Variants in GRIA4 observed in about 807,000 individuals in gnomAD.
GRIA4 encodes glutamate ionotropic receptor AMPA type subunit 4.
A neutral mutation model predicts 104.0 loss-of-function variants in GRIA4; 34 were observed. The observed-to-expected ratio is 0.33, with a 90% confidence interval of 0.25 to 0.44. GRIA4 has a LOEUF of 0.44. Among genes scored for constraint, GRIA4 ranks in the 20% least tolerant of loss-of-function variants. GRIA4 has a pLI of 1.00. For synonymous variants in GRIA4, 386 were observed against 381.9 expected (o/e 1.01, Z -0.13); for missense variants, 750 against 1,096.5 (o/e 0.68, Z 4.46).
intron 10 of GRIA4, among the ~76,000 whole-genome samples, chr11:105,914,624 A>G (rs910963153): frequency 6.6e-6 from 1 of 152,184 alleles, no homozygotes; most frequent in Non-Finnish European, 1.5e-5. Flanking sequence ...CCTGAAAAGC[A>G]GAGCAGATGT....
intron 4 of GRIA4, among the ~76,000 whole-genome samples, chr11:105,859,584 A>T (rs569110286): frequency 2.0e-5 from 3 of 152,298 alleles, no homozygotes; most frequent in Non-Finnish European, 4.4e-5. Context: ...GAGAATAACA[A>T]CATGGATGCC....
In GRIA4 at chr11:105,712,817, C is replaced by A. The variant is rs903414447; in HGVS notation, c.248-40164C>A. 2.0e-5 allele frequency among the ~76,000 whole-genome samples: 3 copies of A among 151,134 alleles called. No homozygotes were observed. The East Asian group carries it at 5.8e-4, about 29-fold the overall frequency. The stretch of plus-strand genomic sequence containing the variant: ...TTTGGCCTTAGGCCATTCCTCATAA[C>A]TAGTGAAAGCTCAAAAGTATGAGCC... On this transcript the variant is annotated intron_variant, in intron 3 of 16. Transcript: ENST00000282499.
chr11:105,933,612 TAGAG>T, intron 13 of GRIA4, 106 bp from the exon 14 acceptor site: 1 of 730,638 alleles, frequency 1.4e-6, no homozygotes, highest in Non-Finnish European at 2.2e-6. Context: ...AAATTGGAGT[TAGAG>T]AGCAATGGAA....
At chr11:105,873,039 A>G (rs1428486025) in intron 5 of GRIA4, among the ~76,000 whole-genome samples, 1 of 151,956 alleles carries the variant, frequency 6.6e-6, no homozygotes, top group African/African-American at 2.4e-5. Context: ...CCCGTCATCT[A>G]CATTAGGTAT....
chr11:105,903,483 G>T (rs1349377421), intron 7 of GRIA4, among the ~76,000 whole-genome samples: 1 of 152,180 alleles, frequency 6.6e-6, no homozygotes, highest in Non-Finnish European at 1.5e-5. Context: ...ATTAGCCTTT[G>T]ATACATTAGC....
At chr11:105,706,633 T>C (rs778139547) in intron 3 of GRIA4, 4 of 152,978 alleles carry the variant, frequency 2.6e-5, no homozygotes, top group African/African-American at 4.8e-5. Flanking sequence ...TCACTGCCAC[T>C]GTACTGTTGC....
intron 3 of GRIA4, among the ~76,000 whole-genome samples, chr11:105,630,702 T>C (rs1951013966): frequency 6.6e-6 from 1 of 152,128 alleles, no homozygotes. Context: ...AAATGATTAA[T>C]AATTTTTTTT....
chr11:105,726,066 G>A (rs973220969), intron 3 of GRIA4, among the ~76,000 whole-genome samples: 2 of 152,072 alleles, frequency 1.3e-5, no homozygotes, highest in African/African-American at 4.8e-5. Flanking sequence ...CCCTGGAAAG[G>A]CTGAAGCCAG....
chr11:105,635,789 A>G (rs2135330244), intron 3 of GRIA4, among the ~76,000 whole-genome samples: 1 of 152,352 alleles, frequency 6.6e-6, no homozygotes, highest in South Asian at 2.1e-4. Flanking sequence ...GAGCAATATG[A>G]ACACATTTTC....
chr11:105,877,169 C>A (rs1047293498), intron 5 of GRIA4, among the ~76,000 whole-genome samples: 2 of 152,116 alleles, frequency 1.3e-5, no homozygotes, highest in Admixed American at 1.3e-4. Context: ...GCTTATGAAG[C>A]TTAGTTTGGC....
chr11:105,882,086 T>C (rs889209520), intron 5 of GRIA4, among the ~76,000 whole-genome samples: 1 of 152,172 alleles, frequency 6.6e-6, no homozygotes, highest in Non-Finnish European at 1.5e-5. Flanking sequence ...TGGGGAACAT[T>C]TGGGAGTCTG....
chr11:105,822,315 T>C (rs1565263447), intron 4 of GRIA4, among the ~76,000 whole-genome samples: 2 of 152,102 alleles, frequency 1.3e-5, no homozygotes, highest in Non-Finnish European at 2.9e-5. Flanking sequence ...GAAGTTTCTT[T>C]TACTCAAGAC....
At chr11:105,936,040 C>A (rs1948025476) in intron 14 of GRIA4, among the ~76,000 whole-genome samples, 1 of 152,136 alleles carries the variant, frequency 6.6e-6, no homozygotes, top group Admixed American at 6.5e-5. Context: ...CTCCTGCCTG[C>A]CAAAACCGCA....
At chr11:105,773,431 C>A (rs1393409263) in intron 4 of GRIA4, among the ~76,000 whole-genome samples, 1 of 152,020 alleles carries the variant, frequency 6.6e-6, no homozygotes, top group African/African-American at 2.4e-5. Flanking sequence ...ATATTTAAAT[C>A]TATAATGTTT....
intron 3 of GRIA4, among the ~76,000 whole-genome samples, chr11:105,618,233 G>A (rs919392262): frequency 2.6e-5 from 4 of 151,892 alleles, no homozygotes; most frequent in South Asian, 2.1e-4. Context: ...TACAAAGAGG[G>A]ACCCATAAAT....
In GRIA4 at chr11:105,680,109, T is replaced by C. The variant is rs537014802; in HGVS notation, c.247+67675T>C. 1.2e-3 allele frequency among the ~76,000 whole-genome samples: 179 copies of C among 152,260 alleles called. 1 individual carries two copies. Among genetic ancestry groups the C allele is most frequent in the Middle Eastern group, 3.4e-3 (1 of 294 alleles). On this transcript the variant is annotated intron_variant, in intron 3 of 16. Transcript: ENST00000282499. ...ACCTAGAAGCATGAGGATTCCAAAC[T>C]GCCTAAGTGGTTAACATCTAGTTTA...
At chr11:105,761,660 T>A (rs1183326057) in intron 4 of GRIA4, among the ~76,000 whole-genome samples, 1 of 152,180 alleles carries the variant, frequency 6.6e-6, no homozygotes, top group African/African-American at 2.4e-5. Context: ...TAAAACTCTA[T>A]TTATCAACAC....
At chr11:105,832,904 A>T (rs1944030705) in intron 4 of GRIA4, among the ~76,000 whole-genome samples, 1 of 152,070 alleles carries the variant, frequency 6.6e-6, no homozygotes, top group Non-Finnish European at 1.5e-5. Flanking sequence ...CTCTGCCTTG[A>T]GTAATGCTAT....
intron 4 of GRIA4, among the ~76,000 whole-genome samples, chr11:105,834,204 A>G (rs1313842421): frequency 6.6e-6 from 1 of 152,106 alleles, no homozygotes; most frequent in African/African-American, 2.4e-5. Context: ...TAAAATACAT[A>G]GAGATACATA....
Sources: gnomAD v4.1 joint callset for allele counts (sites outside exome capture counted in the v4.1 genomes callset) on GRCh38, gnomAD v4.1.1 for gene constraint, MANE v1.5 for transcripts, NCBI Gene and HGNC (gene_info 2026-07-23, HGNC 2026-07-21) for gene names.